The following GRM7 variants were observed in gnomAD, a reference collection of about 807,000 sequenced individuals.
GRM7 encodes glutamate metabotropic receptor 7.
In GRM7, 35 loss-of-function variants were observed where a neutral mutation model predicts 84.5. That is an observed-to-expected ratio of 0.41 (90% CI 0.32 to 0.55). The LOEUF is 0.55. Ranked by LOEUF, GRM7 falls within the 20% of genes least tolerant of loss-of-function variation. The pLI is 0.19. For missense variants in GRM7, 1,003 were observed against 1,194.6 expected, an observed-to-expected ratio of 0.84 and a Z score of 2.36; for synonymous variants, 487 against 455.1, an observed-to-expected ratio of 1.07 and a Z score of -0.89.
At chr3:7,525,881 A>G (rs995025203) in intron 7 of GRM7, among the ~76,000 whole-genome samples, 2 of 152,124 alleles carry the variant, frequency 1.3e-5, no homozygotes, top group Non-Finnish European at 2.9e-5. Flanking sequence ...TGCAAGGGAA[A>G]TGATTTTGTT....
At chr3:6,875,146 T>G (rs541353162) in intron 1 of GRM7, among the ~76,000 whole-genome samples, 1 of 152,338 alleles carries the variant, frequency 6.6e-6, no homozygotes, top group African/African-American at 2.4e-5. Flanking sequence ...GAAAATGCTT[T>G]CTCATAAGGG....
chr3:6,972,634 G>A (rs1359443047), intron 1 of GRM7, among the ~76,000 whole-genome samples: 1 of 152,220 alleles, frequency 6.6e-6, no homozygotes, highest in Non-Finnish European at 1.5e-5. Flanking sequence ...AAGCAGGATT[G>A]CGGTGAATGG....
chr3:7,502,606 G>A (rs545437021), intron 7 of GRM7, among the ~76,000 whole-genome samples: 3 of 152,108 alleles, frequency 2.0e-5, no homozygotes, highest in East Asian at 1.9e-4. Flanking sequence ...GCACACACAC[G>A]CACAGATGTA....
At position 7,142,538 on chromosome 3, in the gene GRM7, A is replaced by C. The variant is rs188258557; in HGVS notation, c.520-3914A>C. On this transcript the variant is annotated intron_variant, in intron 1 of 9. Coordinates refer to ENST00000357716, the MANE Select transcript of GRM7 (RefSeq NM_000844.4). ...CAATCACTATCACAAGAAGAGGGTG[A>C]GGGAAACTGCTCTCATGATCCAATT... 4.6e-5 allele frequency among the ~76,000 whole-genome samples: 7 copies of C among 152,252 alleles called. No individual in the cohort carries two copies. The East Asian group carries it at 1.4e-3, about 29-fold the overall frequency.
chr3:7,223,942 A>G (rs1225106610), intron 2 of GRM7, among the ~76,000 whole-genome samples: 4 of 152,162 alleles, frequency 2.6e-5, no homozygotes. Flanking sequence ...AATATACAGC[A>G]TAGCTATGTA....
At chr3:7,167,217 A>T (rs1387733347) in intron 2 of GRM7, among the ~76,000 whole-genome samples, 3 of 152,240 alleles carry the variant, frequency 2.0e-5, no homozygotes, top group African/African-American at 7.2e-5. Flanking sequence ...AATAAGAAGC[A>T]CCATCTCTAA....
intron 7 of GRM7, among the ~76,000 whole-genome samples, chr3:7,469,698 C>G (rs1021411295): frequency 2.6e-5 from 4 of 152,128 alleles, no homozygotes; most frequent in African/African-American, 9.7e-5. Flanking sequence ...TGAGGAAGGT[C>G]TCTCTGAAAA....
intron 2 of GRM7, among the ~76,000 whole-genome samples, chr3:7,241,003 A>G (rs899747395): frequency 1.3e-5 from 2 of 152,188 alleles, no homozygotes; most frequent in Non-Finnish European, 2.9e-5. Context: ...AGACGATGCC[A>G]TCTAGGATTG....
At chr3:7,016,154 G>T (rs996032248) in intron 1 of GRM7, among the ~76,000 whole-genome samples, 4 of 152,146 alleles carry the variant, frequency 2.6e-5, no homozygotes, top group African/African-American at 9.7e-5. Flanking sequence ...TAGTTCTATT[G>T]TTAGCTGAAT....
chr3:7,464,502 C>T (rs974536213), intron 7 of GRM7, among the ~76,000 whole-genome samples: 1 of 151,946 alleles, frequency 6.6e-6, no homozygotes, highest in Admixed American at 6.6e-5. Context: ...AAGAGAAGAG[C>T]AGAGAACCCA....
chr3:7,521,071 C>G (rs1700574824), intron 7 of GRM7, among the ~76,000 whole-genome samples: 1 of 152,136 alleles, frequency 6.6e-6, no homozygotes, highest in African/African-American at 2.4e-5. Context: ...AATAATTGTT[C>G]AGCTGCAGTG....
intron 1 of GRM7, among the ~76,000 whole-genome samples, chr3:6,880,156 T>A (rs1175927121): frequency 6.6e-6 from 1 of 152,088 alleles, no homozygotes; most frequent in Non-Finnish European, 1.5e-5. Flanking sequence ...GAGGGGAGAA[T>A]GGGTAATTAA....
rs764783018 is a variant in GRM7 at position 7,340,426 on chromosome 3, A to C, written c.1033+33774A>C. Among the ~76,000 whole-genome samples the C allele has an allele frequency of 8.7e-4, 133 of 152,230 alleles. 2 individuals carry two copies. The highest frequency in any genetic ancestry group is 2.3e-3 in the Admixed American group (35 of 15,276). On this transcript the variant is annotated intron_variant, in intron 4 of 9. Transcript: ENST00000357716. Reference sequence around the variant, plus strand: ...AGGTGAGAGAGTGTGTATGGGAAGCAAAGAGAGGAGAGCCCCTTATAAAAC... The same window carrying C: ...AGGTGAGAGAGTGTGTATGGGAAGCCAAGAGAGGAGAGCCCCTTATAAAAC...
intron 9 of GRM7, among the ~76,000 whole-genome samples, chr3:7,729,755 G>C (rs1300929853): frequency 6.6e-6 from 1 of 152,070 alleles, no homozygotes; most frequent in Non-Finnish European, 1.5e-5. Context: ...TGCCAGGCTG[G>C]AGTGCAATGG....
chr3:7,022,280 T>C (rs189961654), intron 1 of GRM7, among the ~76,000 whole-genome samples: 1 of 151,694 alleles, frequency 6.6e-6, no homozygotes, highest in Non-Finnish European at 1.5e-5. Flanking sequence ...GAGCCGAGAT[T>C]GTGCCACTGC....
chr3:7,526,726 T>C (rs1700821138), intron 7 of GRM7, among the ~76,000 whole-genome samples: 1 of 152,018 alleles, frequency 6.6e-6, no homozygotes, highest in Non-Finnish European at 1.5e-5. Context: ...AGAGGTCTAG[T>C]TTTATGCTCC....
intron 2 of GRM7, among the ~76,000 whole-genome samples, chr3:7,177,817 C>A (rs1695205313): frequency 6.6e-6 from 1 of 152,180 alleles, no homozygotes; most frequent in South Asian, 2.1e-4. Context: ...CTATAACTTA[C>A]TATTACTTAA....
At chr3:7,322,252 T>C (rs1700810361) in intron 4 of GRM7, among the ~76,000 whole-genome samples, 2 of 148,068 alleles carry the variant, frequency 1.4e-5, no homozygotes, top group South Asian at 4.4e-4. Flanking sequence ...AGAACTACTT[T>C]ATTGATATTT....
intron 5 of GRM7, among the ~76,000 whole-genome samples, chr3:7,415,836 G>A (rs1696136782): frequency 6.6e-6 from 1 of 152,064 alleles, no homozygotes; most frequent in South Asian, 2.1e-4. Context: ...TCTGGTGGAA[G>A]GAATTTGACT....
Sources: allele counts gnomAD v4.1 joint callset (sites outside exome capture counted in the v4.1 genomes callset), GRCh38; gene constraint gnomAD v4.1.1; transcripts MANE v1.5; gene names NCBI Gene and HGNC (gene_info 2026-07-23, HGNC 2026-07-21).